Variants in C8orf34 observed in about 807,000 individuals in gnomAD.
C8orf34 encodes chromosome 8 open reading frame 34, also known as uncharacterized protein C8orf34.
A neutral mutation model predicts 68.3 loss-of-function variants in C8orf34; 65 were observed. The ratio of observed to expected loss-of-function variants is 0.95; its 90% CI spans 0.78 to 1.17. The LOEUF (loss-of-function observed/expected upper bound fraction) is 1.17. Among genes scored for constraint, C8orf34 ranks in the 50% most tolerant of loss-of-function variants. C8orf34 has a pLI of 0.00. For missense variants in C8orf34, 664 were observed against 655.4 expected (o/e 1.01, Z -0.14); for synonymous variants, 244 against 241.2 (o/e 1.01, Z -0.11).
chr8:68,551,916 A>G (rs1816085133), intron 7 of C8orf34, among the ~76,000 whole-genome samples: 1 of 152,154 alleles, frequency 6.6e-6, no homozygotes, highest in Non-Finnish European at 1.5e-5. Flanking sequence ...TGAAATATGA[A>G]TCCAATTTCA....
chr8:68,681,938 T>C (rs1290308857), intron 8 of C8orf34, among the ~76,000 whole-genome samples: 1 of 152,188 alleles, frequency 6.6e-6, no homozygotes, highest in Admixed American at 6.6e-5. Flanking sequence ...TTACATATTC[T>C]CACTTATTTG....
intron 1 of C8orf34, among the ~76,000 whole-genome samples, chr8:68,351,952 G>A (rs969746500): frequency 6.6e-6 from 1 of 151,962 alleles, no homozygotes; most frequent in Non-Finnish European, 1.5e-5. Context: ...GGCATATGAT[G>A]TTGAACATCT....
intron 5 of C8orf34, among the ~76,000 whole-genome samples, chr8:68,495,378 A>G (rs1248142344): frequency 6.6e-6 from 1 of 152,110 alleles, no homozygotes; most frequent in Non-Finnish European, 1.5e-5. Context: ...CTTAATAAAC[A>G]TAGTTAACAT....
At chr8:68,658,710 A>T (rs1449542282) in intron 8 of C8orf34, among the ~76,000 whole-genome samples, 1 of 151,326 alleles carries the variant, frequency 6.6e-6, no homozygotes, top group East Asian at 1.9e-4. Context: ...TTTTTTTCTA[A>T]GTTCTGTTTT....
intron 8 of C8orf34, among the ~76,000 whole-genome samples, chr8:68,686,119 T>C (rs1025880142): frequency 6.6e-6 from 1 of 151,610 alleles, no homozygotes; most frequent in African/African-American, 2.4e-5. Context: ...AGCAGTAAGA[T>C]TGAATCAGTA....
intron 1 of C8orf34, among the ~76,000 whole-genome samples, chr8:68,399,989 C>T (rs903201105): frequency 6.6e-6 from 1 of 152,118 alleles, no homozygotes; most frequent in Middle Eastern, 3.4e-3. Context: ...TGTCCTTTGC[C>T]ACTTTTTACT....
intron 6 of C8orf34, among the ~76,000 whole-genome samples, chr8:68,531,469 G>A (rs1815243077): frequency 6.6e-6 from 1 of 152,056 alleles, no homozygotes. Context: ...GCGTTTGTCT[G>A]ATTGTTCTCT....
rs146687432 is a variant in C8orf34, at chr8:68,726,190, G to T, written c.1404+4753G>T. On this transcript the variant is annotated intron_variant, in intron 10 of 13. Coordinates refer to ENST00000518698, the MANE Select transcript of C8orf34 (RefSeq NM_052958.4). ...TCCCAAAGTGCTGAGATTACAGGCTGAGCCACCATGCCTGGTCACCAATAT... is the reference window on the plus strand; with the variant it reads ...TCCCAAAGTGCTGAGATTACAGGCTTAGCCACCATGCCTGGTCACCAATAT... 1.6e-3 allele frequency among the ~76,000 whole-genome samples: 237 copies of T among 152,286 alleles called. 5 individuals are homozygous for T. In the East Asian group the frequency reaches 0.043, roughly 28 times the overall value.
At chr8:68,412,798 C>A (rs1177174060) in intron 1 of C8orf34, among the ~76,000 whole-genome samples, 1 of 152,152 alleles carries the variant, frequency 6.6e-6, no homozygotes, top group East Asian at 1.9e-4. Context: ...CTATCTCTAG[C>A]TCTCTGCCTT....
chr8:68,689,514 G>C (rs547608030), intron 8 of C8orf34, among the ~76,000 whole-genome samples: 3 of 152,036 alleles, frequency 2.0e-5, no homozygotes, highest in Non-Finnish European at 1.5e-5. Flanking sequence ...CTGCAATATC[G>C]CCTTTCTGCA....
chr8:68,637,234 A>G (rs1818873128), intron 7 of C8orf34, among the ~76,000 whole-genome samples: 2 of 152,292 alleles, frequency 1.3e-5, no homozygotes, highest in East Asian at 1.9e-4. Flanking sequence ...TTCTGCCAGC[A>G]TTAGTGATAC....
chr8:68,560,867 C>T (rs975382716), intron 7 of C8orf34, among the ~76,000 whole-genome samples: 1 of 152,030 alleles, frequency 6.6e-6, no homozygotes, highest in African/African-American at 2.4e-5. Context: ...TCTGTAAACA[C>T]TCTACATTTT....
chr8:68,345,120 A>G (rs912652063), intron 1 of C8orf34, among the ~76,000 whole-genome samples: 1 of 151,980 alleles, frequency 6.6e-6, no homozygotes, highest in Non-Finnish European at 1.5e-5. Flanking sequence ...AAATTATTTT[A>G]TCAAATCAAA....
chr8:68,521,831 G>A lies in C8orf34; in HGVS notation c.798G>A (p.Arg266=), dbSNP rs1213262306. The change falls in exon 6 of 14, where the codon AGG becomes AGA. Residue 266 remains arginine (R), a synonymous_variant. Coordinates refer to ENST00000518698, the MANE Select transcript of C8orf34 (RefSeq NM_052958.4). ...ETVTFNSSLL[R]PRVIGEWIGR... ...TGACATTTAATTCTTCTCTTCTGAGGCCCCGTGTGATTGGAGAATGGATTG... is the reference window on the plus strand; with the variant it reads ...TGACATTTAATTCTTCTCTTCTGAGACCCCGTGTGATTGGAGAATGGATTG... The A allele has an allele frequency of 2.5e-6, 4 of 1,613,752 alleles. No individual in the cohort carries two copies. Among genetic ancestry groups the A allele is most frequent in the Non-Finnish European group, 3.4e-6 (4 of 1,179,912 alleles).
intron 1 of C8orf34, among the ~76,000 whole-genome samples, chr8:68,378,832 A>G (rs925951815): frequency 1.9e-4 from 29 of 152,236 alleles, no homozygotes; most frequent in African/African-American, 6.3e-4. Flanking sequence ...AGGATAAATG[A>G]TAGAAGGGTT....
intron 8 of C8orf34, among the ~76,000 whole-genome samples, chr8:68,689,257 G>A (rs1341583432): frequency 6.6e-6 from 1 of 151,898 alleles, no homozygotes; most frequent in Non-Finnish European, 1.5e-5. Context: ...GGGAGTGTTG[G>A]GGAACAATGC....
chr8:68,665,009 A>C (rs1029809579), intron 8 of C8orf34, among the ~76,000 whole-genome samples: 1 of 152,354 alleles, frequency 6.6e-6, no homozygotes, highest in South Asian at 2.1e-4. Flanking sequence ...GAATTATCCA[A>C]CTACATGATA....
chr8:68,598,331 T>G (rs7841285), intron 7 of C8orf34, among the ~76,000 whole-genome samples: 88,485 of 151,940 alleles, frequency 0.58, 25,970 homozygotes, highest in African/African-American at 0.61. Context: ...TACGATATTC[T>G]AGACATAACA....
intron 1 of C8orf34, among the ~76,000 whole-genome samples, chr8:68,425,302 G>A (rs1417674703): frequency 6.6e-6 from 1 of 152,088 alleles, no homozygotes; most frequent in Non-Finnish European, 1.5e-5. Context: ...GCAATAAAAA[G>A]TAATAGAAGG....
Sources: gnomAD v4.1 joint callset for allele counts (sites outside exome capture counted in the v4.1 genomes callset) on GRCh38, gnomAD v4.1.1 for gene constraint, MANE v1.5 for transcripts, NCBI Gene and HGNC (gene_info 2026-07-23, HGNC 2026-07-21) for gene names.